CACNA2D3: variants seen among roughly 807,000 people sequenced by gnomAD.
CACNA2D3 encodes voltage-dependent calcium channel subunit alpha-2/delta-3.
CACNA2D3 carries 60 observed loss-of-function variants against 160.6 expected under a neutral mutation model. The ratio of observed to expected loss-of-function variants is 0.37; its 90% confidence interval spans 0.30 to 0.46. CACNA2D3 has a LOEUF of 0.46. Among genes scored for constraint, CACNA2D3 ranks in the 20% least tolerant of loss-of-function variants. The pLI, the probability that CACNA2D3 is intolerant of heterozygous loss-of-function variation, is 1.00. For synonymous variants in CACNA2D3, 558 were observed against 492.9 expected, an observed-to-expected ratio of 1.13 and a Z score of -1.75; for missense variants, 1,205 against 1,365.0, an observed-to-expected ratio of 0.88 and a Z score of 1.85.
intron 17 of CACNA2D3, among the ~76,000 whole-genome samples, chr3:54,855,335 G>T (rs778524095): frequency 1.3e-5 from 2 of 152,128 alleles, no homozygotes; most frequent in African/African-American, 2.4e-5. Context: ...CATGCAGATG[G>T]GTGGGTGCGC....
chr3:54,813,224 C>T (rs1021230467), intron 13 of CACNA2D3, among the ~76,000 whole-genome samples: 5 of 152,196 alleles, frequency 3.3e-5, no homozygotes, highest in African/African-American at 4.8e-5. Context: ...GGAAGGAACC[C>T]AATGCTGCCT....
At chr3:54,852,766 G>A (rs1237600210) in intron 17 of CACNA2D3, among the ~76,000 whole-genome samples, 1 of 152,170 alleles carries the variant, frequency 6.6e-6, no homozygotes, top group African/African-American at 2.4e-5. Context: ...ATGGAACTAA[G>A]TGGACATCCC....
chr3:54,219,093 C>A (rs1382354046), intron 2 of CACNA2D3, among the ~76,000 whole-genome samples: 13 of 152,176 alleles, frequency 8.5e-5, no homozygotes, highest in Non-Finnish European at 1.5e-5. Flanking sequence ...TCCTGTAGAT[C>A]TCATGCCCTG....
intron 2 of CACNA2D3, among the ~76,000 whole-genome samples, chr3:54,242,238 T>C (rs986820906): frequency 2.6e-5 from 4 of 151,522 alleles, no homozygotes; most frequent in Non-Finnish European, 5.9e-5. Context: ...CTGGCCAACA[T>C]GGTGAAATCC....
At chr3:54,142,527 G>A (rs1191787719) in intron 2 of CACNA2D3, among the ~76,000 whole-genome samples, 5 of 152,128 alleles carry the variant, frequency 3.3e-5, no homozygotes, top group Non-Finnish European at 7.3e-5. Context: ...AGCTCCACAA[G>A]TGTTTCGAGG....
rs553462538 is a variant in CACNA2D3, at chr3:55,020,713, T to A, written c.2987+2396T>A. Reference sequence around the variant, plus strand: ...AAAAAATACAAAAATTAGCCAGGCATGGTGGCGGGCACCTGTAATCCCAAC... The same window carrying A: ...AAAAAATACAAAAATTAGCCAGGCAAGGTGGCGGGCACCTGTAATCCCAAC... On this transcript the variant is annotated intron_variant, in intron 35 of 37. Transcript: ENST00000474759. Among the ~76,000 whole-genome samples the A allele has an allele frequency of 8.5e-5, 13 of 152,066 alleles. No individual in the cohort carries two copies. The South Asian group carries it at 2.7e-3, about 32-fold the overall frequency.
chr3:54,265,708 G>A (rs577725982), intron 2 of CACNA2D3, among the ~76,000 whole-genome samples: 2 of 149,262 alleles, frequency 1.3e-5, no homozygotes, highest in African/African-American at 4.9e-5. Context: ...TATATAGTGT[G>A]TTTATATACG....
intron 25 of CACNA2D3, among the ~76,000 whole-genome samples, chr3:54,895,682 A>G (rs911830286): frequency 6.6e-6 from 1 of 152,100 alleles, no homozygotes; most frequent in African/African-American, 2.4e-5. Context: ...CCCTACCTAT[A>G]TGTTGTCCCT....
At chr3:54,543,887 T>C (rs1702021786) in intron 5 of CACNA2D3, among the ~76,000 whole-genome samples, 1 of 152,214 alleles carries the variant, frequency 6.6e-6, no homozygotes, top group Non-Finnish European at 1.5e-5. Flanking sequence ...TGCTAATAGT[T>C]TTGGAGAGAT....
intron 29 of CACNA2D3, among the ~76,000 whole-genome samples, chr3:54,983,179 A>G (rs142136210): frequency 1.3e-5 from 2 of 152,364 alleles, no homozygotes; most frequent in Non-Finnish European, 2.9e-5. Context: ...AATCTAAGAC[A>G]TTGCTGTCCA....
rs867650235 is a variant in CACNA2D3 at position 55,037,992 on chromosome 3, A to G, written c.2987+19675A>G. ...GTCCTTGAGTCTGAGATGTAGTTGT[A>G]TAACCTTCCTGAGAAGTCACTGTAT... On this transcript the variant is annotated intron_variant, in intron 35 of 37. Transcript: ENST00000474759. Among the ~76,000 whole-genome samples the G allele has an allele frequency of 6.6e-5, 10 of 152,348 alleles. No homozygotes were observed. In the South Asian group the frequency reaches 2.1e-3, roughly 32 times the overall value.
intron 11 of CACNA2D3, among the ~76,000 whole-genome samples, chr3:54,723,214 C>T (rs1166036039): frequency 1.3e-5 from 2 of 152,208 alleles, no homozygotes; most frequent in Non-Finnish European, 2.9e-5. Flanking sequence ...CTACTCAAGC[C>T]TCAGCAATGG....
chr3:54,790,183 T>G (rs1054075468), intron 13 of CACNA2D3, among the ~76,000 whole-genome samples: 7 of 152,162 alleles, frequency 4.6e-5, no homozygotes, highest in African/African-American at 1.7e-4. Context: ...TGAGACAGCT[T>G]GCATAACCCT....
intron 34 of CACNA2D3, among the ~76,000 whole-genome samples, chr3:55,011,797 T>G (rs1703216678): frequency 1.3e-5 from 2 of 152,180 alleles, no homozygotes; most frequent in Admixed American, 6.5e-5. Context: ...CTTGCTTTTG[T>G]TAAAATTGCA....
At chr3:54,776,520 T>TA (rs1014535296) in intron 13 of CACNA2D3, among the ~76,000 whole-genome samples, 1 of 151,738 alleles carries the variant, frequency 6.6e-6, no homozygotes, top group African/African-American at 2.4e-5. Flanking sequence ...GTCTCCAATT[T>TA]AAAAAAACAA....
chr3:54,452,849 G>A (rs1185943096), intron 4 of CACNA2D3, among the ~76,000 whole-genome samples: 1 of 152,132 alleles, frequency 6.6e-6, no homozygotes, highest in Non-Finnish European at 1.5e-5. Flanking sequence ...GTTGCTGGCT[G>A]TCCTTGGCAT....
chr3:54,942,854 C>G (rs1300902736), intron 27 of CACNA2D3, among the ~76,000 whole-genome samples: 1 of 152,106 alleles, frequency 6.6e-6, no homozygotes, highest in Non-Finnish European at 1.5e-5. Flanking sequence ...GAAACCCCAT[C>G]TCTACTAAAA....
chr3:54,719,163 CTTTTTTT>C (rs527632302), intron 11 of CACNA2D3, among the ~76,000 whole-genome samples: 4 of 132,704 alleles, frequency 3.0e-5, no homozygotes, highest in African/African-American at 1.1e-4. Flanking sequence ...CACTGGATTT[CTTTTTTT>C]TTTTTTTTTT....
At chr3:54,368,693 C>CTT (rs33976949) in intron 3 of CACNA2D3, among the ~76,000 whole-genome samples, 22,274 of 71,370 alleles carry the variant, frequency 0.31, 7,529 homozygotes, top group Non-Finnish European at 0.39. Flanking sequence ...GGGTAGGGTT[C>CTT]TTTTTTTTTT....
Sources: allele counts gnomAD v4.1 joint callset (sites outside exome capture counted in the v4.1 genomes callset), GRCh38; gene constraint gnomAD v4.1.1; transcripts MANE v1.5; gene names NCBI Gene and HGNC (gene_info 2026-07-23, HGNC 2026-07-21).